Variants in PLXNA4 observed in about 807,000 individuals in gnomAD.
PLXNA4 encodes the protein plexin A4.
PLXNA4 carries 44 observed loss-of-function variants against 191.8 expected under a neutral mutation model. That is an observed-to-expected ratio of 0.23 (90% confidence interval 0.18 to 0.29). PLXNA4 has a LOEUF of 0.29. Ranked by LOEUF, PLXNA4 falls within the 10% of genes least tolerant of loss-of-function variation. The pLI is 1.00. For missense variants in PLXNA4, 1,800 were observed against 2,488.8 expected, an observed-to-expected ratio of 0.72 and a Z score of 5.89; for synonymous variants, 1,082 against 1,009.5, an observed-to-expected ratio of 1.07 and a Z score of -1.36.
chr7:132,175,261 A>G (rs1306579492), intron 20 of PLXNA4, among the ~76,000 whole-genome samples: 5 of 152,098 alleles, frequency 3.3e-5, no homozygotes, highest in African/African-American at 1.2e-4. Flanking sequence ...TGGTTTGCAA[A>G]ATATGCTGGG....
intron 30 of PLXNA4, among the ~76,000 whole-genome samples, 165 bp downstream of exon 30, chr7:132,140,434 G>A (rs1345047323): frequency 6.6e-6 from 1 of 152,166 alleles, no homozygotes; most frequent in Non-Finnish European, 1.5e-5. Flanking sequence ...TCAGGGGACA[G>A]CAGCACTGGG....
intron 1 of PLXNA4, among the ~76,000 whole-genome samples, chr7:132,536,912 G>A (rs1799862211): frequency 6.6e-6 from 1 of 152,232 alleles, no homozygotes; most frequent in South Asian, 2.1e-4. Flanking sequence ...GAACTGCTGA[G>A]TCCCCACTCT....
chr7:132,387,528 A>G (rs1331929049), intron 3 of PLXNA4, among the ~76,000 whole-genome samples: 5 of 152,164 alleles, frequency 3.3e-5, no homozygotes, highest in Admixed American at 1.3e-4. Flanking sequence ...AAGCTGAGAA[A>G]ACTGAATAGC....
intron 3 of PLXNA4, among the ~76,000 whole-genome samples, chr7:132,348,351 G>A (rs1803334391): frequency 6.6e-6 from 1 of 152,178 alleles, no homozygotes; most frequent in Non-Finnish European, 1.5e-5. Context: ...GACCTAAGAT[G>A]TCACTAGCAT....
chr7:132,509,511 C>A (rs1407761566), intron 1 of PLXNA4, among the ~76,000 whole-genome samples: 1 of 152,160 alleles, frequency 6.6e-6, no homozygotes, highest in Non-Finnish European at 1.5e-5. Flanking sequence ...CATTTTATAG[C>A]TAAGGAAAGC....
intron 21 of PLXNA4, among the ~76,000 whole-genome samples, chr7:132,170,639 T>C (rs1201331824): frequency 6.6e-6 from 1 of 152,190 alleles, no homozygotes; most frequent in African/African-American, 2.4e-5. Flanking sequence ...TTCAGTCAGA[T>C]CCAGGCCCTG....
chr7:132,571,158 A>C (rs1384036700), intron 1 of PLXNA4, among the ~76,000 whole-genome samples: 1 of 151,984 alleles, frequency 6.6e-6, no homozygotes, highest in Non-Finnish European at 1.5e-5. Flanking sequence ...AAATGTTCAG[A>C]CCAGAGGGAC....
intron 20 of PLXNA4, among the ~76,000 whole-genome samples, chr7:132,176,916 G>A (rs1796486752): frequency 6.6e-6 from 1 of 151,858 alleles, no homozygotes; most frequent in African/African-American, 2.4e-5. Flanking sequence ...GAATGTGAGT[G>A]CATGAGTATG....
intron 25 of PLXNA4, among the ~76,000 whole-genome samples, chr7:132,152,059 C>G (rs1437258964): frequency 6.6e-5 from 10 of 152,170 alleles, no homozygotes; most frequent in Admixed American, 5.9e-4. Context: ...CACGGAATGT[C>G]TCAAGAAGAT....
At chr7:132,475,463 G>A (rs1446745091) in intron 3 of PLXNA4, among the ~76,000 whole-genome samples, 2 of 152,054 alleles carry the variant, frequency 1.3e-5, no homozygotes, top group South Asian at 2.1e-4. Flanking sequence ...CTTCCTGCCC[G>A]GTATCTACCC....
intron 11 of PLXNA4, 53 bp downstream of exon 11, chr7:132,203,270 C>T (rs983462990): frequency 5.2e-6 from 8 of 1,527,624 alleles, no homozygotes; most frequent in East Asian, 2.3e-5. Flanking sequence ...CTCCTTCCCT[C>T]TCTACCCCAT....
chr7:132,387,129 A>T (rs1334181364), intron 3 of PLXNA4, among the ~76,000 whole-genome samples: 1 of 152,266 alleles, frequency 6.6e-6, no homozygotes, highest in Non-Finnish European at 1.5e-5. Flanking sequence ...CACAGAGTAT[A>T]TGCTGAATTG....
intron 3 of PLXNA4, among the ~76,000 whole-genome samples, chr7:132,456,012 C>T (rs1439285463): frequency 6.6e-6 from 1 of 152,156 alleles, no homozygotes; most frequent in Non-Finnish European, 1.5e-5. Context: ...CCCTGATGGG[C>T]CTGACAGGGC....
intron 3 of PLXNA4, among the ~76,000 whole-genome samples, chr7:132,447,517 G>A (rs1392630516): frequency 6.6e-6 from 1 of 152,188 alleles, no homozygotes; most frequent in Admixed American, 6.5e-5. Flanking sequence ...ATAGAGGTGG[G>A]AAGGGGACTG....
At chr7:132,193,289 C>T (rs1232142288) in intron 14 of PLXNA4, among the ~76,000 whole-genome samples, 1 of 152,200 alleles carries the variant, frequency 6.6e-6, no homozygotes, top group Non-Finnish European at 1.5e-5. Context: ...CCTGACTTTT[C>T]GCTTTCTGCC....
intron 3 of PLXNA4, among the ~76,000 whole-genome samples, chr7:132,417,271 T>C (rs1794692527): frequency 6.6e-6 from 1 of 152,100 alleles, no homozygotes; most frequent in African/African-American, 2.4e-5. Context: ...GTCTGGACAT[T>C]CTTGGGCATC....
chr7:132,495,651 C>CGA (rs1563133071), intron 2 of PLXNA4, among the ~76,000 whole-genome samples: 5 of 152,156 alleles, frequency 3.3e-5, no homozygotes. Flanking sequence ...AACCAGCTCT[C>CGA]CTGCCCTTCC....
chr7:132,355,383 G>A (rs1410557828), intron 3 of PLXNA4, among the ~76,000 whole-genome samples: 1 of 152,190 alleles, frequency 6.6e-6, no homozygotes, highest in Non-Finnish European at 1.5e-5. Flanking sequence ...GTCTCTGTTA[G>A]TTGCAAGTGA....
intron 3 of PLXNA4, among the ~76,000 whole-genome samples, chr7:132,349,102 G>C (rs73158807): frequency 0.045 from 6,815 of 152,278 alleles, 191 homozygotes; most frequent in Middle Eastern, 0.075. Context: ...AATGGTCTCA[G>C]TGAGCAATTG....
Sources: gnomAD v4.1 joint callset for allele counts (sites outside exome capture counted in the v4.1 genomes callset) on GRCh38, gnomAD v4.1.1 for gene constraint, MANE v1.5 for transcripts, NCBI Gene and HGNC (gene_info 2026-07-23, HGNC 2026-07-21) for gene names.